The following TUT4 variants were observed in gnomAD, a reference collection of about 807,000 sequenced individuals.
TUT4 encodes the protein terminal uridylyl transferase 4.
Under a neutral mutation model 192.2 loss-of-function variants are expected in TUT4, and 36 were observed. That is an observed-to-expected ratio of 0.19 (90% CI 0.14 to 0.25). TUT4 has a LOEUF of 0.25. TUT4 is among the 10% of genes least tolerant of loss of function. TUT4 has a pLI of 1.00. For synonymous variants in TUT4, 618 were observed against 666.0 expected (o/e 0.93, Z 1.11); for missense variants, 1,493 against 1,957.2 (o/e 0.76, Z 4.47).
In TUT4 at chr1:52,550,622, T is replaced by C. The variant is rs79217858; in HGVS notation, c.-94+2309A>G. On this transcript the variant is annotated intron_variant, in intron 1 of 29. Coordinates refer to ENST00000257177, the MANE Select transcript of TUT4 (RefSeq NM_001009881.3). Reference sequence around the variant, plus strand: ...GCTCAGGCAAACCTCCTACCTCAGCTTCTGGGACTACAGACGCACACCACC... The same window carrying C: ...GCTCAGGCAAACCTCCTACCTCAGCCTCTGGGACTACAGACGCACACCACC... Among the ~76,000 whole-genome samples the C allele has an allele frequency of 2.1e-3, 318 of 151,576 alleles. 7 individuals carry two copies. In the South Asian group the frequency reaches 0.033, roughly 16 times the overall value.
rs1009697828 is a variant in TUT4, at chr1:52,510,381, C to T, written c.883-669G>A. 3.4e-4 allele frequency among the ~76,000 whole-genome samples: 51 copies of T among 150,208 alleles called. 1 individual carries two copies. The highest frequency in any genetic ancestry group is 8.9e-5 in the Non-Finnish European group (6 of 67,720). ...CTATTTAGTCTTATTCCAATGTTGTCCCCAAAACTGATTTCAAATTTAACT... is the reference window on the plus strand; with the variant it reads ...CTATTTAGTCTTATTCCAATGTTGTTCCCAAAACTGATTTCAAATTTAACT... On this transcript the variant is annotated intron_variant, in intron 3 of 29. Transcript: ENST00000257177.
chr1:52,491,741 C>T lies in TUT4; in HGVS notation c.1319-940G>A, dbSNP rs2897487. ...AAAAAAACCAGATAGATTAACATCA[C>T]TTGTAATTCAAAGAAAATTTCTCAA... On this transcript the variant is annotated intron_variant, in intron 7 of 29. Coordinates refer to ENST00000257177, the MANE Select transcript of TUT4 (RefSeq NM_001009881.3). 5.2e-3 allele frequency among the ~76,000 whole-genome samples: 796 copies of T among 152,094 alleles called. 16 individuals carry two copies. The highest frequency in any genetic ancestry group is 5.7e-3 in the Non-Finnish European group (388 of 67,964).
intron 11 of TUT4, among the ~76,000 whole-genome samples, chr1:52,479,999 A>G (rs976356028): frequency 7.5e-6 from 1 of 132,956 alleles, no homozygotes; most frequent in Non-Finnish European, 1.5e-5. Flanking sequence ...CGTCTCAGGA[A>G]AAAAAAAAAA....
chr1:52,506,223 A>G (rs112154042), intron 4 of TUT4, among the ~76,000 whole-genome samples: 4 of 152,208 alleles, frequency 2.6e-5, no homozygotes, highest in African/African-American at 7.2e-5. Context: ...TCAATTGGCT[A>G]AAGTTATATT....
intron 16 of TUT4, chr1:52,463,516 A>G: frequency 8.9e-7 from 1 of 1,126,422 alleles, no homozygotes; most frequent in Non-Finnish European, 1.1e-6. Context: ...AAAGCACACT[A>G]TTCTGCTGAA....
At chr1:52,520,442 G>C (rs934143981) in intron 2 of TUT4, among the ~76,000 whole-genome samples, 20 of 152,192 alleles carry the variant, frequency 1.3e-4, no homozygotes, top group African/African-American at 4.6e-4. Flanking sequence ...ATCTTGACCA[G>C]CAGCATCAGC....
At chr1:52,424,543 G>A (rs1033896319) in intron 29 of TUT4, 4 of 152,576 alleles carry the variant, frequency 2.6e-5, no homozygotes, top group African/African-American at 9.7e-5. Context: ...CAAGTGTTCT[G>A]AACTAAGTTA....
chr1:52,525,921 C>G lies in TUT4; in HGVS notation c.360G>C (p.Lys120Asn), dbSNP rs1040132534. The change falls in exon 2 of 30, where the codon AAG becomes AAC. Residue 120 changes from lysine (K) to asparagine (N), a missense_variant. This residue lies in a region of TUT4 where 260 missense variants were observed against 247.8 expected (regional missense o/e 1.05). Transcript: ENST00000257177. ...KATISQAKSE[K>N]ATSLQAKAEK... ...CTGCTTTTGCCTGTAAACTGGTTGC[C>G]TTTTCTGATTTTGCCTGTGAAATGG... is the stretch of plus-strand genomic sequence containing the variant. 6.2e-7 allele frequency: 1 copy of G among 1,614,062 alleles called. No homozygotes were observed. Among genetic ancestry groups the G allele is most frequent in the Non-Finnish European group, 8.5e-7 (1 of 1,180,012 alleles).
At chr1:52,523,083 C>T (rs1297086797) in intron 2 of TUT4, among the ~76,000 whole-genome samples, 2 of 139,674 alleles carry the variant, frequency 1.4e-5, no homozygotes, top group Non-Finnish European at 1.5e-5. Flanking sequence ...ACCTCCATCT[C>T]CTTGGTTCAG....
chr1:52,529,788 C>T (rs1399208207), intron 1 of TUT4: 2 of 151,924 alleles, frequency 1.3e-5, no homozygotes, highest in South Asian at 4.2e-4. Flanking sequence ...TCAATGTACC[C>T]GGAGAGTCCC....
At chr1:52,456,861 G>A (rs192967900) in intron 20 of TUT4, among the ~76,000 whole-genome samples, 1 of 152,216 alleles carries the variant, frequency 6.6e-6, no homozygotes, top group East Asian at 1.9e-4. Context: ...TGCAAACTAT[G>A]GACTTCGGGT....
intron 1 of TUT4, among the ~76,000 whole-genome samples, chr1:52,534,818 G>T (rs2149563993): frequency 6.6e-6 from 1 of 152,150 alleles, no homozygotes; most frequent in East Asian, 1.9e-4. Flanking sequence ...AGCCGTGATG[G>T]CACCACTGAA....
In TUT4 at chr1:52,475,169, G is replaced by C. The variant is rs1386535386; in HGVS notation, c.2390C>G (p.Ser797Cys). 1 of 1,614,102 alleles carries C rather than the reference G, an allele frequency of 6.2e-7. No individual in the cohort carries two copies. Among genetic ancestry groups the C allele is most frequent in the Non-Finnish European group, 8.5e-7 (1 of 1,180,012 alleles). ...ELDFADHGQD[S>C]SSLSTSKSSE... ...GCTTTTGCTGGTAGAAAGAGATGAA[G>C]AGTCCTGTCCGTGGTCAGCAAAATC... Residue 797 changes from serine (S) to cysteine (C), a missense_variant, in exon 13 of 30, where the codon TCT becomes TGT. Physicochemically the swap from Ser to Cys is moderately radical, Grantham distance 112. Coordinates refer to ENST00000257177, the MANE Select transcript of TUT4 (RefSeq NM_001009881.3).
intron 2 of TUT4, among the ~76,000 whole-genome samples, 158 bp downstream of exon 2, chr1:52,525,405 A>C (rs945968913): frequency 8.5e-5 from 13 of 152,206 alleles, no homozygotes; most frequent in Admixed American, 8.5e-4. Flanking sequence ...TCTAGTAAGA[A>C]ACCATTAATG....
chr1:52,424,844 A>G (rs1312882664), intron 29 of TUT4: 1 of 152,620 alleles, frequency 6.6e-6, no homozygotes, highest in Non-Finnish European at 1.5e-5. Flanking sequence ...AATATGGTCT[A>G]AGCCTACCCT....
intron 1 of TUT4, among the ~76,000 whole-genome samples, chr1:52,550,646 C>G (rs1464146883): frequency 6.6e-6 from 1 of 152,038 alleles, no homozygotes; most frequent in Non-Finnish European, 1.5e-5. Flanking sequence ...ACGCACACCA[C>G]CACGCCCAGC....
intron 1 of TUT4, among the ~76,000 whole-genome samples, chr1:52,530,745 G>A (rs771371315): frequency 1.3e-5 from 2 of 152,198 alleles, no homozygotes; most frequent in Non-Finnish European, 2.9e-5. Context: ...ACTCACACCT[G>A]TAATCTCAGC....
intron 4 of TUT4, among the ~76,000 whole-genome samples, chr1:52,499,633 G>A (rs1022946928): frequency 6.6e-6 from 1 of 152,142 alleles, no homozygotes; most frequent in African/African-American, 2.4e-5. Context: ...CTACTCAGGA[G>A]GCTGAGGTGA....
At chr1:52,476,649 A>AC (rs1667154512) in intron 12 of TUT4, among the ~76,000 whole-genome samples, 1 of 151,888 alleles carries the variant, frequency 6.6e-6, no homozygotes, top group Non-Finnish European at 1.5e-5. Flanking sequence ...AAAATGAAAG[A>AC]GGGGGGGAAA....
Sources: allele counts gnomAD v4.1 joint callset (sites outside exome capture counted in the v4.1 genomes callset), GRCh38; gene constraint gnomAD v4.1.1; regional missense constraint gnomAD v4.1.1; transcripts MANE v1.5; gene names NCBI Gene and HGNC (gene_info 2026-07-23, HGNC 2026-07-21).